Variants in IQGAP2 observed in about 807,000 individuals in gnomAD.
IQGAP2 encodes ras GTPase-activating-like protein IQGAP2.
Under a neutral mutation model 201.3 loss-of-function variants are expected in IQGAP2, and 173 were observed. That is an observed-to-expected ratio of 0.86 (90% CI 0.76 to 0.98). The LOEUF (loss-of-function observed/expected upper bound fraction) is 0.98. Among genes scored for constraint, IQGAP2 ranks in the 50% least tolerant of loss-of-function variants. The pLI is 0.00. For missense variants in IQGAP2, 1,687 were observed against 1,864.8 expected, an observed-to-expected ratio of 0.90 and a Z score of 1.76; for synonymous variants, 675 against 673.9, an observed-to-expected ratio of 1.00 and a Z score of -0.03.
chr5:76,508,941 C>T (rs1039005956), intron 2 of IQGAP2, among the ~76,000 whole-genome samples: 2 of 151,954 alleles, frequency 1.3e-5, no homozygotes, highest in East Asian at 3.9e-4. Flanking sequence ...TATCCTGATC[C>T]TCTCGGGGAA....
At chr5:76,600,026 T>C (rs4704342) in intron 10 of IQGAP2, among the ~76,000 whole-genome samples, 25,240 of 152,126 alleles carry the variant, frequency 0.17, 2,250 homozygotes, top group Admixed American at 0.28. Context: ...TTCATGCCTG[T>C]AATCCCAGCA....
chr5:76,685,588 A>G (rs1745659840), intron 30 of IQGAP2, among the ~76,000 whole-genome samples: 1 of 152,176 alleles, frequency 6.6e-6, no homozygotes, highest in Admixed American at 6.5e-5. Context: ...TAAAACCATA[A>G]AAGTCAGGCC....
chr5:76,608,505 A>G (rs746046567), intron 12 of IQGAP2, among the ~76,000 whole-genome samples: 1 of 152,218 alleles, frequency 6.6e-6, no homozygotes, highest in African/African-American at 2.4e-5. Flanking sequence ...TGCTCAGTAT[A>G]GTAATTAAGT....
At chr5:76,434,900 G>T (rs1430013222) in intron 1 of IQGAP2, among the ~76,000 whole-genome samples, 1 of 151,990 alleles carries the variant, frequency 6.6e-6, no homozygotes, top group Non-Finnish European at 1.5e-5. Context: ...AGCCATTTTG[G>T]CTGGAGTAAG....
rs1361249603 is a variant in IQGAP2, at chr5:76,703,547, T to A, written c.4614+957T>A. Among the ~76,000 whole-genome samples, 7 of 150,730 alleles carry A rather than the reference T, an allele frequency of 4.6e-5. No individual in the cohort carries two copies. The Admixed American group carries it at 4.7e-4, about 10-fold the overall frequency. On this transcript the variant is annotated intron_variant, in intron 35 of 35. Transcript: ENST00000274364. The stretch of plus-strand genomic sequence containing the variant: ...AGGCATTATGCAAAACAGATATCTA[T>A]ACATAGAAAAATGGTGTTTGCAATA...
intron 3 of IQGAP2, among the ~76,000 whole-genome samples, chr5:76,568,047 C>T (rs182112996): frequency 2.8e-4 from 43 of 152,246 alleles, no homozygotes; most frequent in Non-Finnish European, 4.6e-4. Context: ...TTATAGTGGA[C>T]TGGGATTATT....
At chr5:76,490,636 C>T (rs982733763) in intron 2 of IQGAP2, among the ~76,000 whole-genome samples, 2 of 152,144 alleles carry the variant, frequency 1.3e-5, no homozygotes, top group Non-Finnish European at 2.9e-5. Context: ...TAGCTCAAAA[C>T]ATAATAGTGG....
rs530878527 is a variant in IQGAP2, at chr5:76,562,435, C to A, written c.186C>A (p.Thr62=). ...GCTTAGTTGAAGAATTGCCACCAAC[C>A]ACTGAATTGGAAGAAGGGCTCCGGA... ...EVCLVEELPP[T]TELEEGLRNG... Residue 62 remains threonine (T), a synonymous_variant, in exon 3 of 36, where the codon ACC becomes ACA. Coordinates refer to ENST00000274364, the MANE Select transcript of IQGAP2 (RefSeq NM_006633.5). 1.2e-6 allele frequency: 2 copies of A among 1,613,666 alleles called. No homozygotes were observed. The highest frequency in any genetic ancestry group is 2.2e-5 in the South Asian group (2 of 91,032).
At chr5:76,669,451 A>G (rs1352017966) in intron 23 of IQGAP2, among the ~76,000 whole-genome samples, 1 of 152,202 alleles carries the variant, frequency 6.6e-6, no homozygotes, top group African/African-American at 2.4e-5. Context: ...CGTGAGAAAT[A>G]GGAATGCTAT....
In IQGAP2 at chr5:76,481,064, C is replaced by G. The variant is rs147078775; in HGVS notation, c.146+19395C>G. Reference sequence around the variant, plus strand: ...CTTTTATAAGGTCACTAATCCCATTCATGAGAGCTCTGCCCTCATGACTTA... The same window carrying G: ...CTTTTATAAGGTCACTAATCCCATTGATGAGAGCTCTGCCCTCATGACTTA... On this transcript the variant is annotated intron_variant, in intron 2 of 35. Coordinates refer to ENST00000274364, the MANE Select transcript of IQGAP2 (RefSeq NM_006633.5). Among the ~76,000 whole-genome samples, 15 of 152,288 alleles carry G rather than the reference C, an allele frequency of 9.8e-5. No homozygotes were observed. In the East Asian group the frequency reaches 2.9e-3, roughly 29 times the overall value.
intron 30 of IQGAP2, among the ~76,000 whole-genome samples, chr5:76,685,641 T>G (rs1443856650): frequency 6.6e-6 from 1 of 152,176 alleles, no homozygotes; most frequent in Non-Finnish European, 1.5e-5. Flanking sequence ...CCTGGGACAT[T>G]GTCCTGTTTG....
intron 1 of IQGAP2, among the ~76,000 whole-genome samples, chr5:76,452,905 CTTTTTTTTTT>C (rs71604293): frequency 3.8e-5 from 4 of 106,046 alleles, no homozygotes; most frequent in Non-Finnish European, 7.6e-5. Flanking sequence ...CAATTCCTAT[CTTTTTTTTTT>C]TTTTTTTTTT....
chr5:76,543,627 A>G (rs573253804), intron 2 of IQGAP2, among the ~76,000 whole-genome samples: 2 of 152,170 alleles, frequency 1.3e-5, no homozygotes, highest in East Asian at 1.9e-4. Context: ...CTTCTCAGCC[A>G]GTTTCTTTTT....
At chr5:76,495,462 A>G (rs1246378875) in intron 2 of IQGAP2, among the ~76,000 whole-genome samples, 1 of 152,222 alleles carries the variant, frequency 6.6e-6, no homozygotes, top group Non-Finnish European at 1.5e-5. Context: ...CTGGGCTGCC[A>G]GGGACCAGCT....
chr5:76,687,107 A>G (rs1477038348), intron 30 of IQGAP2, among the ~76,000 whole-genome samples: 1 of 152,136 alleles, frequency 6.6e-6, no homozygotes, highest in Non-Finnish European at 1.5e-5. Flanking sequence ...GGTCTCTTGC[A>G]GTTATATGTG....
chr5:76,536,701 A>C (rs10054114), intron 2 of IQGAP2, among the ~76,000 whole-genome samples: 76,283 of 150,848 alleles, frequency 0.51, 19,596 homozygotes, highest in South Asian at 0.75. Context: ...TGAAGGTTGT[A>C]GTGAGCCAAG....
intron 2 of IQGAP2, among the ~76,000 whole-genome samples, chr5:76,468,101 A>G (rs754282046): frequency 1.3e-5 from 2 of 152,230 alleles, no homozygotes; most frequent in Non-Finnish European, 2.9e-5. Context: ...GGAGAATTGT[A>G]TGGTATATAA....
At chr5:76,621,505 T>C (rs919141812) in intron 13 of IQGAP2, among the ~76,000 whole-genome samples, 7 of 152,232 alleles carry the variant, frequency 4.6e-5, no homozygotes, top group Admixed American at 4.6e-4. Flanking sequence ...CCTTTAAAGA[T>C]AGGCACAAAG....
intron 27 of IQGAP2, among the ~76,000 whole-genome samples, chr5:76,676,633 G>A (rs1419837475): frequency 1.3e-5 from 2 of 152,252 alleles, no homozygotes; most frequent in East Asian, 1.9e-4. Context: ...GACTTTTTAG[G>A]GTCTGAGTCC....
Sources: gnomAD v4.1 joint callset for allele counts (sites outside exome capture counted in the v4.1 genomes callset) on GRCh38, gnomAD v4.1.1 for gene constraint, MANE v1.5 for transcripts, NCBI Gene and HGNC (gene_info 2026-07-23, HGNC 2026-07-21) for gene names.